Variants in TPRG1 observed in about 807,000 individuals in gnomAD.
The protein encoded by TPRG1 is tumor protein p63-regulated gene 1 protein.
In TPRG1, 29 loss-of-function variants were observed where a neutral mutation model predicts 29.3. The ratio of observed to expected loss-of-function variants is 0.99; its 90% confidence interval spans 0.74 to 1.35. TPRG1 has a LOEUF of 1.35. Ranked by LOEUF, TPRG1 falls within the 40% of genes most tolerant of loss-of-function variation. The pLI is 0.00. For missense variants in TPRG1, 327 were observed against 335.0 expected, an observed-to-expected ratio of 0.98 and a Z score of 0.19; for synonymous variants, 130 against 116.8, an observed-to-expected ratio of 1.11 and a Z score of -0.73.
intron 4 of TPRG1, among the ~76,000 whole-genome samples, chr3:189,035,146 A>G (rs1359708374): frequency 6.6e-6 from 1 of 152,214 alleles, no homozygotes. Flanking sequence ...ACCTACAACC[A>G]TATGATATTT....
intron 4 of TPRG1, among the ~76,000 whole-genome samples, chr3:189,307,796 C>T (rs1721854126): frequency 1.3e-5 from 2 of 152,200 alleles, no homozygotes; most frequent in African/African-American, 4.8e-5. Flanking sequence ...GCCCTTCTAG[C>T]TCTGACATTC....
At chr3:189,074,809 G>A (rs552258924) in intron 4 of TPRG1, among the ~76,000 whole-genome samples, 5 of 146,376 alleles carry the variant, frequency 3.4e-5, no homozygotes, top group African/African-American at 1.1e-4. Flanking sequence ...AAGTCTGTCA[G>A]CCTACCTTTT....
At chr3:189,111,408 A>T (rs1720510704) in intron 1 of TPRG1, among the ~76,000 whole-genome samples, 1 of 152,074 alleles carries the variant, frequency 6.6e-6, no homozygotes. Flanking sequence ...CCTACTTATA[A>T]TGGTCCAACT....
intron 1 of TPRG1, among the ~76,000 whole-genome samples, chr3:189,103,565 CTGTA>C (rs1442927752): frequency 2.0e-5 from 3 of 152,112 alleles, no homozygotes; most frequent in African/African-American, 7.2e-5. Context: ...GAGACAGAGA[CTGTA>C]TGTTTTTTAA....
At chr3:189,267,442 A>G (rs920376327) in intron 4 of TPRG1, among the ~76,000 whole-genome samples, 1 of 152,244 alleles carries the variant, frequency 6.6e-6, no homozygotes, top group Admixed American at 6.5e-5. Context: ...CATATAAAGC[A>G]TAATCTGACA....
intron 1 of TPRG1, among the ~76,000 whole-genome samples, chr3:189,183,353 C>T (rs1465389194): frequency 6.6e-6 from 1 of 152,048 alleles, no homozygotes; most frequent in Non-Finnish European, 1.5e-5. Flanking sequence ...GGAGGCAGGG[C>T]AAGATCACAG....
chr3:189,262,243 T>TAAGTATAAGTATAAGTATAA (rs1553933886), intron 4 of TPRG1, among the ~76,000 whole-genome samples: 26 of 151,732 alleles, frequency 1.7e-4, no homozygotes, highest in African/African-American at 6.1e-4. Context: ...AGTATAAGTA[T>TAAGTATAAGTATAAGTATAA]AAGTATAAGT....
rs1248087865 is a variant in TPRG1 at position 189,324,472 on chromosome 3, G to A, written c.*3652G>A. The A allele has an allele frequency of 6.6e-6, 1 of 152,058 alleles. No homozygotes were observed. The highest frequency in any genetic ancestry group is 1.5e-5 in the Non-Finnish European group (1 of 68,020). 9.4% of individuals were successfully genotyped at this position (152,058 alleles called of 1,614,324 possible). A position where few individuals can be genotyped will look rare whatever the true frequency, so the allele number is the denominator to read the frequency against. On this transcript the variant is annotated 3_prime_UTR_variant, in exon 6 of 6. Coordinates refer to ENST00000345063, the MANE Select transcript of TPRG1 (RefSeq NM_198485.4). The stretch of plus-strand genomic sequence containing the variant: ...TAATTTTGAAATGAGAAAACAATAG[G>A]GCACAGTCGTTTGGGAAGAATTTCC...
chr3:189,280,149 GCCC>G (rs1716863692), intron 4 of TPRG1, among the ~76,000 whole-genome samples: 2 of 152,146 alleles, frequency 1.3e-5, no homozygotes, highest in South Asian at 4.2e-4. Context: ...CTGTTGTTTA[GCCC>G]TGTTGTAAAC....
intron 4 of TPRG1, chr3:189,240,449 T>C (rs1423306877): frequency 1.3e-5 from 2 of 152,160 alleles, no homozygotes; most frequent in African/African-American, 4.8e-5. Flanking sequence ...GATAAAGATA[T>C]ACCTGAGATT....
intron 4 of TPRG1, among the ~76,000 whole-genome samples, chr3:189,244,187 T>C (rs913177823): frequency 9.9e-5 from 15 of 152,176 alleles, no homozygotes; most frequent in African/African-American, 3.6e-4. Flanking sequence ...CCCAGCACTT[T>C]GGGAGGCCAA....
At chr3:189,025,121 T>C (rs571679425) in intron 4 of TPRG1, among the ~76,000 whole-genome samples, 1 of 152,310 alleles carries the variant, frequency 6.6e-6, no homozygotes, top group Non-Finnish European at 1.5e-5. Context: ...ATCCTAAGGC[T>C]GGAGTATGTA....
intron 4 of TPRG1, among the ~76,000 whole-genome samples, chr3:189,092,855 C>T (rs1718428109): frequency 6.6e-6 from 1 of 152,134 alleles, no homozygotes; most frequent in Non-Finnish European, 1.5e-5. Context: ...CTAAGTGCTA[C>T]ACACGTATTA....
chr3:189,051,134 A>G (rs1323122387), intron 4 of TPRG1, among the ~76,000 whole-genome samples: 2 of 152,210 alleles, frequency 1.3e-5, no homozygotes, highest in African/African-American at 4.8e-5. Flanking sequence ...GGTAAAGAGG[A>G]AGTCAAAATG....
intron 5 of TPRG1, among the ~76,000 whole-genome samples, chr3:189,161,917 T>C (rs994834381): frequency 6.6e-6 from 1 of 152,176 alleles, no homozygotes; most frequent in African/African-American, 2.4e-5. Context: ...GAGGTAACTT[T>C]AGACCAGAAT....
At chr3:189,061,078 A>T (rs112386175) in intron 4 of TPRG1, among the ~76,000 whole-genome samples, 10 of 152,344 alleles carry the variant, frequency 6.6e-5, no homozygotes, top group African/African-American at 1.4e-4. Context: ...GAACAGCATG[A>T]TACTGGTATG....
At chr3:189,131,603 G>C (rs1003303816) in intron 2 of TPRG1, among the ~76,000 whole-genome samples, 1 of 152,204 alleles carries the variant, frequency 6.6e-6, no homozygotes, top group East Asian at 1.9e-4. Context: ...GTCAATAAAC[G>C]AATCCCCCAT....
chr3:189,226,769 T>G (rs953628468), intron 3 of TPRG1, among the ~76,000 whole-genome samples: 2 of 52,580 alleles, frequency 3.8e-5, no homozygotes, highest in African/African-American at 1.4e-4. Context: ...AAAGGATCAA[T>G]AAAATGGAAA....
Position 189,207,548 on chromosome 3 carries a change from A to T in TPRG1, c.164A>T (p.Asn55Ile). 4 of 1,613,952 alleles carry T rather than the reference A, an allele frequency of 2.5e-6. No homozygotes were observed. In the South Asian group the frequency reaches 3.3e-5, roughly 13 times the overall value. Residue 55 changes from asparagine to isoleucine, a missense_variant, in exon 2 of 6, where the codon AAT (asparagine) becomes ATT (isoleucine). Physicochemically the swap from Asn to Ile is moderately radical, Grantham distance 149. Transcript: ENST00000345063. ...SSVTESTLYP[N>I]PYHQPYISRK... is the part of the protein sequence containing the mutation. ...GTGACCGAATCAACTCTTTACCCCA[A>T]TCCTTATCATCAGCCTTATATCTCA...
Sources: allele counts gnomAD v4.1 joint callset (sites outside exome capture counted in the v4.1 genomes callset), GRCh38; gene constraint gnomAD v4.1.1; transcripts MANE v1.5; gene names NCBI Gene and HGNC (gene_info 2026-07-23, HGNC 2026-07-21).